The following PLPPR5 variants were observed in gnomAD, a reference collection of about 807,000 sequenced individuals.
PLPPR5 encodes the protein phospholipid phosphatase related 5, also known as phospholipid phosphatase-related protein type 5.
PLPPR5 carries 16 observed loss-of-function variants against 33.9 expected under a neutral mutation model. The ratio of observed to expected loss-of-function variants is 0.47; its 90% CI spans 0.32 to 0.72. The LOEUF (loss-of-function observed/expected upper bound fraction) is 0.72, where lower values mean the gene tolerates loss of function less well. PLPPR5 is among the 30% of genes least tolerant of loss of function. The pLI, the probability that PLPPR5 is intolerant of heterozygous loss-of-function variation, is 0.03. For synonymous variants in PLPPR5, 163 were observed against 150.3 expected, an observed-to-expected ratio of 1.08 and a Z score of -0.62; for missense variants, 301 against 406.7, an observed-to-expected ratio of 0.74 and a Z score of 2.23.
intron 1 of PLPPR5, among the ~76,000 whole-genome samples, chr1:98,969,582 G>A (rs1304137908): frequency 6.6e-6 from 1 of 151,958 alleles, no homozygotes; most frequent in Non-Finnish European, 1.5e-5. Flanking sequence ...TTTTCTTACA[G>A]TATGGAAGAC....
intron 5 of PLPPR5, among the ~76,000 whole-genome samples, chr1:98,905,686 T>C (rs1648869720): frequency 6.6e-6 from 1 of 152,176 alleles, no homozygotes; most frequent in Non-Finnish European, 1.5e-5. Flanking sequence ...TTTACCACAG[T>C]TAAATCTAAT....
At chr1:98,930,499 T>A (rs935790759) in intron 3 of PLPPR5, among the ~76,000 whole-genome samples, 1 of 152,190 alleles carries the variant, frequency 6.6e-6, no homozygotes, top group Non-Finnish European at 1.5e-5. Context: ...TATGAGATAC[T>A]GTTGAAATAC....
intron 1 of PLPPR5, among the ~76,000 whole-genome samples, chr1:98,961,295 C>T (rs978205245): frequency 1.3e-5 from 2 of 152,180 alleles, no homozygotes; most frequent in African/African-American, 4.8e-5. Context: ...ACACTTAAAG[C>T]TTGTTATTAG....
intron 5 of PLPPR5, among the ~76,000 whole-genome samples, chr1:98,904,019 T>G (rs1648799004): frequency 6.6e-6 from 1 of 152,150 alleles, no homozygotes; most frequent in South Asian, 2.1e-4. Flanking sequence ...CCATATAATT[T>G]TTTTGGCAGT....
intron 1 of PLPPR5, among the ~76,000 whole-genome samples, chr1:98,961,614 A>G (rs1020583840): frequency 6.6e-6 from 1 of 152,204 alleles, no homozygotes; most frequent in Non-Finnish European, 1.5e-5. Context: ...ATTGATATTC[A>G]TATCTATTCT....
chr1:98,973,374 T>G (rs999077661), intron 1 of PLPPR5, among the ~76,000 whole-genome samples: 4 of 150,718 alleles, frequency 2.7e-5, no homozygotes, highest in African/African-American at 9.7e-5. Flanking sequence ...AGAGAATACC[T>G]TAAATTAGGG....
At chr1:98,988,835 A>G (rs1008554530) in intron 1 of PLPPR5, among the ~76,000 whole-genome samples, 2 of 152,120 alleles carry the variant, frequency 1.3e-5, no homozygotes, top group Non-Finnish European at 2.9e-5. Flanking sequence ...TAATTTCTCA[A>G]TCGGTGCCTT....
chr1:98,925,445 C>G (rs1051747531), intron 3 of PLPPR5, among the ~76,000 whole-genome samples: 9 of 152,140 alleles, frequency 5.9e-5, no homozygotes, highest in African/African-American at 2.2e-4. Flanking sequence ...CATTTGCTCC[C>G]TGTTAAGAGC....
At chr1:98,967,661 C>T (rs1651497533) in intron 1 of PLPPR5, among the ~76,000 whole-genome samples, 1 of 151,856 alleles carries the variant, frequency 6.6e-6, no homozygotes, top group Non-Finnish European at 1.5e-5. Context: ...TGTTATCATA[C>T]AAAATGGAAA....
intron 3 of PLPPR5, among the ~76,000 whole-genome samples, chr1:98,933,479 T>C (rs1186347767): frequency 9.6e-6 from 1 of 104,660 alleles, no homozygotes; most frequent in Non-Finnish European, 1.9e-5. Flanking sequence ...TGAGACTCCG[T>C]CTCAAAAAAA....
chr1:98,936,678 T>C (rs1033515729), intron 3 of PLPPR5, among the ~76,000 whole-genome samples: 5 of 152,222 alleles, frequency 3.3e-5, no homozygotes, highest in African/African-American at 1.2e-4. Context: ...CTGTTGGTTT[T>C]AACAGAATTG....
intron 1 of PLPPR5, among the ~76,000 whole-genome samples, chr1:99,001,681 T>C (rs1230140626): frequency 2.1e-5 from 3 of 142,322 alleles, no homozygotes; most frequent in South Asian, 2.3e-4. Context: ...GATATATATA[T>C]ATATATATAT....
chr1:98,988,391 A>G (rs895610316), intron 1 of PLPPR5, among the ~76,000 whole-genome samples: 2 of 152,214 alleles, frequency 1.3e-5, no homozygotes, highest in South Asian at 2.1e-4. Context: ...GAAAAAGCTT[A>G]TGTTTATGAA....
At chr1:98,994,748 T>C (rs1652572181) in intron 1 of PLPPR5, among the ~76,000 whole-genome samples, 1 of 152,160 alleles carries the variant, frequency 6.6e-6, no homozygotes, top group Non-Finnish European at 1.5e-5. Context: ...GCATGTTAAT[T>C]ACCAATGATT....
intron 5 of PLPPR5, among the ~76,000 whole-genome samples, chr1:98,899,468 CTTT>C (rs1423652148): frequency 6.6e-6 from 1 of 152,150 alleles, no homozygotes; most frequent in African/African-American, 2.4e-5. Flanking sequence ...TCAATTCCTT[CTTT>C]AAGATGCTGT....
chr1:98,996,611 T>C (rs1652643419), intron 1 of PLPPR5, among the ~76,000 whole-genome samples: 1 of 152,096 alleles, frequency 6.6e-6, no homozygotes, highest in South Asian at 2.1e-4. Flanking sequence ...CAAAGTCTGT[T>C]ATAAGGGTGC....
intron 1 of PLPPR5, among the ~76,000 whole-genome samples, chr1:98,985,066 C>T (rs1467468769): frequency 6.6e-6 from 1 of 152,032 alleles, no homozygotes; most frequent in East Asian, 1.9e-4. Context: ...GACCTTTGAC[C>T]ATTTTGTCTT....
chr1:98,933,650 T>C (rs1212930852), intron 3 of PLPPR5, among the ~76,000 whole-genome samples: 1 of 152,070 alleles, frequency 6.6e-6, no homozygotes, highest in African/African-American at 2.4e-5. Context: ...GCTCCAATTA[T>C]GGTGGCAGGA....
intron 3 of PLPPR5, among the ~76,000 whole-genome samples, chr1:98,951,612 A>G (rs1474571742): frequency 6.6e-6 from 1 of 152,208 alleles, no homozygotes; most frequent in East Asian, 1.9e-4. Context: ...GTTAAAATGC[A>G]TACTCTATGG....
Sources: gnomAD v4.1 joint callset for allele counts (sites outside exome capture counted in the v4.1 genomes callset) on GRCh38, gnomAD v4.1.1 for gene constraint, MANE v1.5 for transcripts, NCBI Gene and HGNC (gene_info 2026-07-23, HGNC 2026-07-21) for gene names.